The following QSOX1 variants were observed in gnomAD, a reference collection of about 807,000 sequenced individuals.
The protein encoded by QSOX1 is sulfhydryl oxidase 1.
QSOX1 carries 40 observed loss-of-function variants against 76.1 expected under a neutral mutation model. The ratio of observed to expected loss-of-function variants is 0.53; its 90% CI spans 0.41 to 0.68. The LOEUF (loss-of-function observed/expected upper bound fraction) is 0.68, where lower values mean the gene tolerates loss of function less well. Ranked by LOEUF, QSOX1 falls within the 30% of genes least tolerant of loss-of-function variation. The pLI, the probability that QSOX1 is intolerant of heterozygous loss-of-function variation, is 0.00. For synonymous variants in QSOX1, 392 were observed against 413.1 expected (o/e 0.95, Z 0.62); for missense variants, 931 against 974.3 (o/e 0.96, Z 0.59).
intron 5 of QSOX1, 95 bp from the exon 6 acceptor site, chr1:180,182,079 C>T (rs978737610): frequency 1.6e-6 from 2 of 1,278,766 alleles, no homozygotes; most frequent in Non-Finnish European, 1.1e-6. Context: ...AGCACAGCTG[C>T]CATCTGGGTG....
chr1:180,178,887 G>C lies in QSOX1; in HGVS notation c.606+3G>C. On this transcript the variant is annotated splice_donor_region_variant and intron_variant, in intron 5 of 11. Coordinates refer to ENST00000367602, the MANE Select transcript of QSOX1 (RefSeq NM_002826.5). ...GAGGCTCCTACCTGGGTAGAGAGGT[G>C]AGCTGCCCTGAAGTTCCCTGCAATT... is the stretch of plus-strand genomic sequence containing the variant. 1.9e-6 allele frequency: 3 copies of C among 1,611,328 alleles called. No homozygotes were observed. The highest frequency in any genetic ancestry group is 2.5e-6 in the Non-Finnish European group (3 of 1,177,502).
Position 180,155,083 on chromosome 1 carries a change from G to T in QSOX1, c.176G>T (p.Ser59Ile). Residue 59 changes from serine (S) to isoleucine (I), a missense_variant, in exon 1 of 12, where the codon AGC (serine) becomes ATC (isoleucine). By Grantham distance (142) the Ser-to-Ile change is moderately radical (BLOSUM62 -2). Transcript: ENST00000367602. ...TVRGAVLGSR[S>I]AWAVEFFASW... is the part of the protein sequence containing the mutation. The stretch of plus-strand genomic sequence containing the variant: ...CGCGGCGCGGTGCTGGGCTCCCGCA[G>T]CGCCTGGGCCGTGGAGTTCTTCGCC... 6.6e-7 allele frequency: 1 copy of T among 1,521,596 alleles called. No individual in the cohort carries two copies. The highest frequency in any genetic ancestry group is 8.8e-7 in the Non-Finnish European group (1 of 1,140,664). The allele number at this position is 1,521,596 out of a possible 1,614,324, so 94.3% of individuals were successfully genotyped here.
rs1194449484 is a variant in QSOX1, at chr1:180,154,901, G to C, written c.-7G>C. ...GCTTGCGTGTGGTGGTGAGCGCAGCGCCGAGGATGAGGAGGTGCAACAGCG... is the reference window on the plus strand; with the variant it reads ...GCTTGCGTGTGGTGGTGAGCGCAGCCCCGAGGATGAGGAGGTGCAACAGCG... On this transcript the variant is annotated 5_prime_UTR_variant, in exon 1 of 12. Transcript: ENST00000367602. 1 of 1,431,376 alleles carries C rather than the reference G, an allele frequency of 7.0e-7. No homozygotes were observed. The highest frequency in any genetic ancestry group is 1.4e-5 in the South Asian group (1 of 69,670). 88.7% of individuals were successfully genotyped at this position (1,431,376 alleles called of 1,614,324 possible). A position where few individuals can be genotyped will look rare whatever the true frequency, so the allele number is the denominator to read the frequency against.
rs1270822746 is a variant in QSOX1 at position 180,182,314 on chromosome 1, C to CTCA, written c.747_748insTCA (p.Val249_Pro250insSer). The CTCA allele has an allele frequency of 3.1e-6, 5 of 1,614,050 alleles. No homozygotes were observed. Among genetic ancestry groups the CTCA allele is most frequent in the Non-Finnish European group, 4.2e-6 (5 of 1,179,990 alleles). ...TCCGGAATGGCTCTGTCTCCCGAGT[C>CTCA]CCCGTGTGAGTATCCTGTCTCCTGG... On this transcript the variant is annotated inframe_insertion, in exon 6 of 12. Transcript: ENST00000367602.
At position 180,196,403 on chromosome 1, in the gene QSOX1, C is replaced by A; in HGVS notation, c.1610C>A (p.Pro537Gln). 6.2e-7 allele frequency: 1 copy of A among 1,614,214 alleles called. No homozygotes were observed. The highest frequency in any genetic ancestry group is 8.5e-7 in the Non-Finnish European group (1 of 1,180,042). Residue 537 changes from proline to glutamine, a missense_variant, in exon 12 of 12, where the codon CCA becomes CAA. Transcript: ENST00000367602. The surrounding 1 kb of genome is among the most constrained non-coding windows in gnomAD (Gnocchi z 4.1). ...TLNFLKAHFS[P>Q]SNIILDFPAA... ...AACTTCCTCAAGGCCCACTTCTCCC[C>A]AAGCAACATCATCCTGGACTTCCCT...
chr1:180,181,482 C>G (rs903259667), intron 5 of QSOX1, among the ~76,000 whole-genome samples: 1 of 152,216 alleles, frequency 6.6e-6, no homozygotes, highest in African/African-American at 2.4e-5. Context: ...GCCCCTCTGA[C>G]TACTGCACAT....
In QSOX1 at chr1:180,196,069, A is replaced by T. The variant is rs10913944; in HGVS notation, c.1469-193A>T. Among the ~76,000 whole-genome samples the T allele has an allele frequency of 0.18, 27,324 of 152,130 alleles. 3,788 individuals carry two copies. Among genetic ancestry groups the T allele is most frequent in the African/African-American group, 0.38 (15,866 of 41,476 alleles). ...GGTAGGTGGATCTGCCTCCTCCTCC[A>T]TGCTGCCATCTGTTGAGCTCCCACT... On this transcript the variant is annotated intron_variant, in intron 11 of 11. Coordinates refer to ENST00000367602, the MANE Select transcript of QSOX1 (RefSeq NM_002826.5). The surrounding 1 kb of genome is among the most constrained non-coding windows in gnomAD (Gnocchi z 4.1).
At chr1:180,192,512 C>T (rs1663343457) in intron 10 of QSOX1, among the ~76,000 whole-genome samples, 1 of 152,060 alleles carries the variant, frequency 6.6e-6, no homozygotes, top group African/African-American at 2.4e-5. Context: ...GTCAGTGTGC[C>T]CCTGGAGGAA....
At chr1:180,188,204 C>G (rs61809067) in intron 8 of QSOX1, among the ~76,000 whole-genome samples, 21,107 of 152,176 alleles carry the variant, frequency 0.14, 1,623 homozygotes, top group Middle Eastern at 0.22. Flanking sequence ...AGGCCCGAAC[C>G]CCTAAGGGTG....
chr1:180,175,613 G>C (rs1356875997), intron 3 of QSOX1, among the ~76,000 whole-genome samples: 1 of 152,202 alleles, frequency 6.6e-6, no homozygotes, highest in East Asian at 1.9e-4. Flanking sequence ...GGGGCACCAT[G>C]TTCCCAGAAG....
intron 2 of QSOX1, among the ~76,000 whole-genome samples, chr1:180,170,168 G>A (rs1212460112): frequency 2.6e-5 from 4 of 152,194 alleles, no homozygotes; most frequent in South Asian, 2.1e-4. Flanking sequence ...CGCCCTGTGA[G>A]GGTACAGAGT....
At chr1:180,180,798 A>T (rs1663012629) in intron 5 of QSOX1, among the ~76,000 whole-genome samples, 1 of 152,202 alleles carries the variant, frequency 6.6e-6, no homozygotes, top group Non-Finnish European at 1.5e-5. Flanking sequence ...TACAGGTGTG[A>T]GCCACCACGC....
rs866370045 is a variant in QSOX1, at chr1:180,197,803, C to T, written c.*766C>T. The T allele has an allele frequency of 1.1e-5, 3 of 264,556 alleles. No individual in the cohort carries two copies. Among genetic ancestry groups the T allele is most frequent in the African/African-American group, 2.2e-5 (1 of 44,832 alleles). The allele number at this position is 264,556 out of a possible 1,614,324, so 16.4% of individuals were successfully genotyped here. A position where few individuals can be genotyped will look rare whatever the true frequency, so the allele number is the denominator to read the frequency against. ...CACTTCCCCCCATTGAGCTCTGCTCCCTCTGAGCCTGGTCTTTTGTCCTTT... is the reference window on the plus strand; with the variant it reads ...CACTTCCCCCCATTGAGCTCTGCTCTCTCTGAGCCTGGTCTTTTGTCCTTT... On this transcript the variant is annotated 3_prime_UTR_variant, in exon 12 of 12. Transcript: ENST00000367602.
At chr1:180,167,328 T>C (rs1309602705) in intron 2 of QSOX1, among the ~76,000 whole-genome samples, 1 of 152,208 alleles carries the variant, frequency 6.6e-6, no homozygotes, top group Non-Finnish European at 1.5e-5. Context: ...GCACCAGCTA[T>C]AAATAATATG....
chr1:180,177,365 C>T (rs1477526630), intron 4 of QSOX1, among the ~76,000 whole-genome samples: 3 of 151,790 alleles, frequency 2.0e-5, no homozygotes, highest in Non-Finnish European at 4.4e-5. Context: ...GCAATTCTGC[C>T]GCCTCAGCCT....
chr1:180,158,798 A>G (rs1275406590), intron 1 of QSOX1, among the ~76,000 whole-genome samples: 1 of 152,090 alleles, frequency 6.6e-6, no homozygotes, highest in African/African-American at 2.4e-5. Flanking sequence ...GTCCAGACCC[A>G]CTTAACACTC....
In QSOX1 at chr1:180,198,213, C is replaced by T. The variant is rs74132573; in HGVS notation, c.*1176C>T. 3,280 of 456,642 alleles carry T rather than the reference C, an allele frequency of 7.2e-3. 81 individuals carry two copies. Among genetic ancestry groups the T allele is most frequent in the African/African-American group, 0.057 (2,877 of 50,148 alleles). The allele number at this position is 456,642 out of a possible 1,614,324, so 28.3% of individuals were successfully genotyped here. On this transcript the variant is annotated 3_prime_UTR_variant, in exon 12 of 12. Coordinates refer to ENST00000367602, the MANE Select transcript of QSOX1 (RefSeq NM_002826.5). ...CCAAACCCCATGGCCTTTTCATGCA[C>T]GGAGACAGGCCTCTGGATGTGCAGC...
intron 8 of QSOX1, among the ~76,000 whole-genome samples, chr1:180,187,569 A>G (rs546209297): frequency 6.6e-6 from 1 of 152,360 alleles, no homozygotes; most frequent in African/African-American, 2.4e-5. Context: ...GCTGTGATCA[A>G]ACCTGCTATT....
At chr1:180,183,254 C>T (rs1197076352) in intron 6 of QSOX1, among the ~76,000 whole-genome samples, 10 of 152,022 alleles carry the variant, frequency 6.6e-5, no homozygotes, top group East Asian at 5.8e-4. Flanking sequence ...GCAGCCCTCA[C>T]GCTGCTGCTG....
Sources: gnomAD v4.1 joint callset for allele counts (sites outside exome capture counted in the v4.1 genomes callset) on GRCh38, gnomAD v4.1.1 for gene constraint, Gnocchi (gnomAD v3.1) non-coding constraint, MANE v1.5 for transcripts, NCBI Gene and HGNC (gene_info 2026-07-23, HGNC 2026-07-21) for gene names.